Variants in CGREF1 observed in about 807,000 individuals in gnomAD.
The protein encoded by CGREF1 is cell growth regulator with EF hand domain protein 1.
In CGREF1, 16 loss-of-function variants were observed where a neutral mutation model predicts 17.4. That is an observed-to-expected ratio of 0.92 (90% CI 0.62 to 1.40). The LOEUF is 1.40. Ranked by LOEUF, CGREF1 falls within the 40% of genes most tolerant of loss-of-function variation. The pLI, the probability that CGREF1 is intolerant of heterozygous loss-of-function variation, is 0.00. For synonymous variants in CGREF1, 142 were observed against 154.6 expected, an observed-to-expected ratio of 0.92 and a Z score of 0.61; for missense variants, 296 against 376.4, an observed-to-expected ratio of 0.79 and a Z score of 1.77.
rs768771588 is a variant in CGREF1, at chr2:27,102,405, G to A, written c.172C>T (p.Leu58=). The A allele has an allele frequency of 3.1e-6, 5 of 1,614,030 alleles. No individual in the cohort carries two copies. The Admixed American group carries it at 6.7e-5, about 22-fold the overall frequency. Residue 58 remains leucine, a synonymous_variant, in exon 4 of 6, where the codon CTA becomes TTA. Transcript: ENST00000402394. ...LGLLQSYLKG[L]GRTEVQLEHL... is the part of the protein sequence containing the mutation. ...TCCAGTTGCACTTCTGTCCTTCCTAGTCCCTTTAGGTAGCTCTGCAGAAGT... is the reference window on the plus strand; with the variant it reads ...TCCAGTTGCACTTCTGTCCTTCCTAATCCCTTTAGGTAGCTCTGCAGAAGT...
At position 27,104,776 on chromosome 2, in the gene CGREF1, G is replaced by A. The variant is rs144383013; in HGVS notation, c.-11-399C>T. 4.1e-4 allele frequency: 609 copies of A among 1,470,550 alleles called. 2 individuals carry two copies. In the African/African-American group the frequency reaches 8.0e-3, roughly 19 times the overall value. The allele number at this position is 1,470,550 out of a possible 1,614,324, so 91.1% of individuals were successfully genotyped here. ...CGCAGAAAGTTTAAGAAAAAGGCCA[G>A]GTAAGAAACGCAGGGAGTCACAAAA... On this transcript the variant is annotated intron_variant, in intron 1 of 5. Transcript: ENST00000402394.
At chr2:27,115,053 T>G (rs1346553018) in intron 1 of CGREF1, among the ~76,000 whole-genome samples, 1 of 152,166 alleles carries the variant, frequency 6.6e-6, no homozygotes, top group Non-Finnish European at 1.5e-5. Context: ...TTTTAAGCCA[T>G]TACATTTTGA....
At chr2:27,117,642 T>A (rs1648323224) in intron 1 of CGREF1, among the ~76,000 whole-genome samples, 1 of 152,000 alleles carries the variant, frequency 6.6e-6, no homozygotes, top group South Asian at 2.1e-4. Flanking sequence ...AAATCCTGCC[T>A]CTGATACTAC....
chr2:27,105,913 T>A (rs1408019620), intron 1 of CGREF1, among the ~76,000 whole-genome samples: 1 of 152,200 alleles, frequency 6.6e-6, no homozygotes, highest in African/African-American at 2.4e-5. Flanking sequence ...TTTGTTGGTG[T>A]CTATAAGCCC....
At chr2:27,099,836 T>C (rs1397881088), downstream of CGREF1, 1 of 1,560,174 alleles carries the variant, frequency 6.4e-7, no homozygotes, top group African/African-American at 1.4e-5. Flanking sequence ...GGCGTCCAGG[T>C]TGCCCTGTTC....
Position 27,104,609 on chromosome 2 carries a change from T to C in CGREF1, c.-11-232A>G. 1.3e-6 allele frequency: 2 copies of C among 1,550,612 alleles called. 1 individual carries two copies. Among genetic ancestry groups the C allele is most frequent in the South Asian group, 2.4e-5 (2 of 84,070 alleles). On this transcript the variant is annotated intron_variant, in intron 1 of 5. Transcript: ENST00000402394. Reference sequence around the variant, plus strand: ...ATAAAGCACATAAAGGCAGGCCTGCTGTGGCGGAAGCAGAGCTGGGGGCGC... The same window carrying C: ...ATAAAGCACATAAAGGCAGGCCTGCCGTGGCGGAAGCAGAGCTGGGGGCGC...
rs1196473392 is a variant in CGREF1 at position 27,101,531 on chromosome 2, C to G, written c.700G>C (p.Asp234His). The change falls in exon 6 of 6, where the codon GAT becomes CAT. Residue 234 changes from aspartate to histidine, a missense_variant. Physicochemically the swap from Asp to His is moderately conservative, Grantham distance 81. Coordinates refer to ENST00000402394, the MANE Select transcript of CGREF1 (RefSeq NM_006569.6). ...GCTTCCCCTCTGGGCCCAGGGGCATCTCCTTTAGCCTCTGCCTGGCCCTCA... is the reference window on the plus strand; with the variant it reads ...GCTTCCCCTCTGGGCCCAGGGGCATGTCCTTTAGCCTCTGCCTGGCCCTCA... ...EAEGQAEAKG[D>H]APGPRGEAGG... 6.2e-7 allele frequency: 1 copy of G among 1,608,668 alleles called. No individual in the cohort carries two copies. Among genetic ancestry groups the G allele is most frequent in the Non-Finnish European group, 8.5e-7 (1 of 1,178,704 alleles).
At chr2:27,107,758 C>A (rs1207183633) in intron 1 of CGREF1, among the ~76,000 whole-genome samples, 1 of 150,546 alleles carries the variant, frequency 6.6e-6, no homozygotes, top group African/African-American at 2.4e-5. Flanking sequence ...CATGGTGAAA[C>A]CCCGTCTCTA....
At chr2:27,099,810 C>T (rs1276664303), downstream of CGREF1, 1 of 1,585,900 alleles carries the variant, frequency 6.3e-7, no homozygotes, top group Non-Finnish European at 8.6e-7. Flanking sequence ...ATCGCCTTCT[C>T]CCCTCCATCC....
chr2:27,102,645 C>T, intron 2 of CGREF1, 54 bp from the exon 3 acceptor site: 1 of 1,537,460 alleles, frequency 6.5e-7, no homozygotes, highest in Non-Finnish European at 8.8e-7. Flanking sequence ...CAGGGCCCAG[C>T]CTGCCAACCT....
chr2:27,109,206 C>CA (rs1671251283), intron 1 of CGREF1, among the ~76,000 whole-genome samples: 1 of 151,330 alleles, frequency 6.6e-6, no homozygotes, highest in African/African-American at 2.4e-5. Flanking sequence ...TCCATTTCTA[C>CA]AAAAAATAGG....
At chr2:27,099,419 G>A (rs1558452945), downstream of CGREF1, 2 of 1,613,704 alleles carry the variant, frequency 1.2e-6, no homozygotes, top group South Asian at 1.1e-5. Flanking sequence ...CCGTCTTGCA[G>A]GGCTGTGCTT....
chr2:27,104,495 CAG>C (rs780573352), intron 1 of CGREF1, 118 bp from the exon 2 acceptor site: 1 of 1,552,062 alleles, frequency 6.4e-7, no homozygotes, highest in Non-Finnish European at 8.7e-7. Flanking sequence ...GCCCCAAAGA[CAG>C]GACTCCTGCT....
At position 27,101,094 on chromosome 2, in the gene CGREF1, T is replaced by C; in HGVS notation, c.*180A>G. 1 of 1,366,302 alleles carries C rather than the reference T, an allele frequency of 7.3e-7. No homozygotes were observed. Among genetic ancestry groups the C allele is most frequent in the Non-Finnish European group, 9.4e-7 (1 of 1,066,698 alleles). 84.6% of individuals were successfully genotyped at this position (1,366,302 alleles called of 1,614,324 possible). A position where few individuals can be genotyped will look rare whatever the true frequency, so the allele number is the denominator to read the frequency against. The stretch of plus-strand genomic sequence containing the variant: ...CCGGGGGGATGAATTCATTCAGTTC[T>C]TTATTGGTAATCTGCCCCTTAACTT... On this transcript the variant is annotated 3_prime_UTR_variant, in exon 6 of 6. Coordinates refer to ENST00000402394, the MANE Select transcript of CGREF1 (RefSeq NM_006569.6).
chr2:27,099,430 G>C, downstream of CGREF1: 2 of 1,613,954 alleles, frequency 1.2e-6, no homozygotes, highest in Non-Finnish European at 1.7e-6. Flanking sequence ...GGCTGTGCTT[G>C]TCTGTGCCTG....
intron 1 of CGREF1, among the ~76,000 whole-genome samples, chr2:27,114,278 C>A (rs138334009): frequency 1.6e-4 from 25 of 152,260 alleles, no homozygotes; most frequent in African/African-American, 5.8e-4. Context: ...TAGGTGTGAG[C>A]CACCACACCC....
chr2:27,103,875 C>T lies in CGREF1; in HGVS notation c.80+412G>A, dbSNP rs113891236. Among the ~76,000 whole-genome samples, 404 of 152,074 alleles carry T rather than the reference C, an allele frequency of 2.7e-3. 3 individuals carry two copies. Among genetic ancestry groups the T allele is most frequent in the African/African-American group, 7.5e-3 (313 of 41,520 alleles). On this transcript the variant is annotated intron_variant, in intron 2 of 5. Transcript: ENST00000402394. ...GCGGGCGCCTGTAGTCCCAGCTACT[C>T]GGGAGGCTGAGGCAGAAGAATTGCT...
chr2:27,104,749 A>T (rs1671053802), intron 1 of CGREF1: 1 of 1,498,774 alleles, frequency 6.7e-7, no homozygotes, highest in South Asian at 1.3e-5. Flanking sequence ...GATGGAAAGG[A>T]GCGCAGAAAG....
downstream of CGREF1, chr2:27,099,787 C>G: frequency 6.2e-7 from 1 of 1,607,570 alleles, no homozygotes; most frequent in Non-Finnish European, 8.5e-7. Flanking sequence ...ATGGAGACTA[C>G]CATTGCGGCT....
Sources: allele counts gnomAD v4.1 joint callset (sites outside exome capture counted in the v4.1 genomes callset), GRCh38; gene constraint gnomAD v4.1.1; transcripts MANE v1.5; gene names NCBI Gene and HGNC (gene_info 2026-07-23, HGNC 2026-07-21).